Variants in SSBP2 observed in about 807,000 individuals in gnomAD.
SSBP2 encodes the protein single stranded DNA binding protein 2.
Under a neutral mutation model 61.8 loss-of-function variants are expected in SSBP2, and 17 were observed. The ratio of observed to expected loss-of-function variants is 0.28; its 90% CI spans 0.19 to 0.41. The LOEUF is 0.41. SSBP2 is among the 10% of genes least tolerant of loss of function. The pLI, the probability that SSBP2 is intolerant of heterozygous loss-of-function variation, is 1.00. For missense variants in SSBP2, 310 were observed against 458.7 expected (o/e 0.68, Z 2.96); for synonymous variants, 139 against 141.3 (o/e 0.98, Z 0.12).
At chr5:81,550,881 G>C (rs1199887001) in intron 4 of SSBP2, among the ~76,000 whole-genome samples, 1 of 152,106 alleles carries the variant, frequency 6.6e-6, no homozygotes, top group Non-Finnish European at 1.5e-5. Context: ...TGGATCACGA[G>C]GTCAGGAGAT....
intron 3 of SSBP2, among the ~76,000 whole-genome samples, chr5:81,628,916 C>G (rs1747438037): frequency 6.6e-6 from 1 of 152,142 alleles, no homozygotes; most frequent in African/African-American, 2.4e-5. Context: ...CATACATCTT[C>G]AAACACTCCC....
At chr5:81,714,130 T>G (rs1053779080) in intron 1 of SSBP2, among the ~76,000 whole-genome samples, 2 of 152,186 alleles carry the variant, frequency 1.3e-5, no homozygotes, top group Non-Finnish European at 2.9e-5. Flanking sequence ...ATTGTTCAGC[T>G]TCCACTTATA....
At chr5:81,555,170 T>C (rs1465137183) in intron 4 of SSBP2, among the ~76,000 whole-genome samples, 2 of 151,848 alleles carry the variant, frequency 1.3e-5, no homozygotes, top group Non-Finnish European at 2.9e-5. Context: ...TATAATAAAG[T>C]ACAGACTTTA....
At chr5:81,435,319 C>A (rs560734218) in intron 15 of SSBP2, among the ~76,000 whole-genome samples, 1 of 152,240 alleles carries the variant, frequency 6.6e-6, no homozygotes, top group East Asian at 1.9e-4. Context: ...CCTCAGTAGG[C>A]GTCAACATTT....
chr5:81,735,953 G>A (rs552515912), intron 1 of SSBP2, among the ~76,000 whole-genome samples: 3 of 152,110 alleles, frequency 2.0e-5, no homozygotes, highest in South Asian at 2.1e-4. Flanking sequence ...AAAATGAAAC[G>A]AGTATTTCAG....
At chr5:81,747,127 G>T (rs1322113493) in intron 1 of SSBP2, among the ~76,000 whole-genome samples, 1 of 150,918 alleles carries the variant, frequency 6.6e-6, no homozygotes, top group East Asian at 1.9e-4. Context: ...GATCTGCAAA[G>T]CATCAGGGTG....
intron 4 of SSBP2, among the ~76,000 whole-genome samples, chr5:81,583,363 C>T (rs1581087042): frequency 6.6e-6 from 1 of 152,080 alleles, no homozygotes. Context: ...GGCGCAGTGG[C>T]TCACGCTTGT....
chr5:81,745,865 T>C (rs1470879314), intron 1 of SSBP2, among the ~76,000 whole-genome samples: 1 of 152,098 alleles, frequency 6.6e-6, no homozygotes, highest in Non-Finnish European at 1.5e-5. Flanking sequence ...TAATAAACAT[T>C]AATAAACTGC....
chr5:81,482,637 T>C (rs562701495), intron 6 of SSBP2, among the ~76,000 whole-genome samples: 2 of 152,338 alleles, frequency 1.3e-5, no homozygotes, highest in African/African-American at 4.8e-5. Context: ...CTGAAGAGAC[T>C]AAAGGCCTCA....
chr5:81,421,192 A>C (rs1215862318), intron 16 of SSBP2, among the ~76,000 whole-genome samples: 1 of 152,066 alleles, frequency 6.6e-6, no homozygotes, highest in African/African-American at 2.4e-5. Context: ...CTGTGACTCT[A>C]ATCTTTTTTG....
chr5:81,656,366 A>T (rs866153577), intron 1 of SSBP2, among the ~76,000 whole-genome samples: 3 of 152,306 alleles, frequency 2.0e-5, no homozygotes, highest in South Asian at 4.1e-4. Flanking sequence ...ATAAAAATTT[A>T]AAAAATACAT....
chr5:81,558,820 A>C (rs1364396127), intron 4 of SSBP2, among the ~76,000 whole-genome samples: 1 of 152,262 alleles, frequency 6.6e-6, no homozygotes, highest in African/African-American at 2.4e-5. Flanking sequence ...TATTTATCAT[A>C]CAAAAGAGTA....
At chr5:81,552,769 AT>A (rs1170169988) in intron 4 of SSBP2, among the ~76,000 whole-genome samples, 1 of 152,090 alleles carries the variant, frequency 6.6e-6, no homozygotes, top group Non-Finnish European at 1.5e-5. Context: ...GGATTCTTTA[AT>A]TTTTTTAAGT....
intron 3 of SSBP2, among the ~76,000 whole-genome samples, chr5:81,632,367 CAGTT>C (rs530695852): frequency 8.1e-4 from 124 of 152,234 alleles, no homozygotes; most frequent in African/African-American, 2.8e-3. Context: ...TGCATTTAGA[CAGTT>C]AGTGGCAGGC....
chr5:81,577,035 G>C (rs1292156095), intron 4 of SSBP2, among the ~76,000 whole-genome samples: 2 of 151,772 alleles, frequency 1.3e-5, no homozygotes, highest in Non-Finnish European at 2.9e-5. Context: ...TAAATGTTTC[G>C]TGCATATTAT....
At chr5:81,726,200 T>C (rs913988908) in intron 1 of SSBP2, among the ~76,000 whole-genome samples, 4 of 152,088 alleles carry the variant, frequency 2.6e-5, no homozygotes, top group African/African-American at 7.2e-5. Context: ...TCTGAGGAGT[T>C]TGATGAATTC....
At chr5:81,673,761 TA>T (rs1346908003) in intron 1 of SSBP2, among the ~76,000 whole-genome samples, 1 of 152,174 alleles carries the variant, frequency 6.6e-6, no homozygotes, top group East Asian at 1.9e-4. Context: ...TTCACATGGC[TA>T]AAGACGTTGG....
chr5:81,517,856 T>G (rs1229404054), intron 4 of SSBP2, among the ~76,000 whole-genome samples: 1 of 151,294 alleles, frequency 6.6e-6, no homozygotes, highest in Non-Finnish European at 1.5e-5. Flanking sequence ...TTAAAAACCT[T>G]CTTATTTTTA....
At chr5:81,717,605 CT>C (rs1263779788) in intron 1 of SSBP2, among the ~76,000 whole-genome samples, 1 of 152,086 alleles carries the variant, frequency 6.6e-6, no homozygotes, top group Non-Finnish European at 1.5e-5. Flanking sequence ...ACTGTCATTT[CT>C]TCCTTCCCAC....
Sources: gnomAD v4.1 joint callset for allele counts (sites outside exome capture counted in the v4.1 genomes callset) on GRCh38, gnomAD v4.1.1 for gene constraint, MANE v1.5 for transcripts, NCBI Gene and HGNC (gene_info 2026-07-23, HGNC 2026-07-21) for gene names.